The following PRR5L variants were observed in gnomAD, a reference collection of about 807,000 sequenced individuals.
The protein encoded by PRR5L is proline-rich protein 5-like.
Under a neutral mutation model 36.4 loss-of-function variants are expected in PRR5L, and 21 were observed. The observed-to-expected ratio is 0.58, with a 90% CI of 0.41 to 0.83. The LOEUF is 0.83. Among genes scored for constraint, PRR5L ranks in the 40% least tolerant of loss-of-function variants. The pLI, the probability that PRR5L is intolerant of heterozygous loss-of-function variation, is 0.00. For missense variants in PRR5L, 381 were observed against 473.3 expected, an observed-to-expected ratio of 0.80 and a Z score of 1.81; for synonymous variants, 188 against 197.0, an observed-to-expected ratio of 0.95 and a Z score of 0.38.
At chr11:36,310,418 G>A (rs1856488666) in intron 1 of PRR5L, among the ~76,000 whole-genome samples, 1 of 152,128 alleles carries the variant, frequency 6.6e-6, no homozygotes, top group Non-Finnish European at 1.5e-5. Context: ...GGGCGAAGTA[G>A]AGCCTCTTAG....
chr11:36,406,591 C>G (rs1294953158), intron 3 of PRR5L, among the ~76,000 whole-genome samples: 1 of 152,224 alleles, frequency 6.6e-6, no homozygotes, highest in Non-Finnish European at 1.5e-5. Flanking sequence ...ATTCCAGCAT[C>G]TTAAACACTG....
intron 1 of PRR5L, among the ~76,000 whole-genome samples, chr11:36,366,248 C>G (rs1364965168): frequency 6.6e-6 from 1 of 152,178 alleles, no homozygotes; most frequent in African/African-American, 2.4e-5. Flanking sequence ...AATAATAGCA[C>G]CTCTTTCCTG....
At chr11:36,452,243 C>T (rs1858960469) in intron 8 of PRR5L, among the ~76,000 whole-genome samples, 1 of 152,162 alleles carries the variant, frequency 6.6e-6, no homozygotes, top group Non-Finnish European at 1.5e-5. Context: ...AGCCAGCACC[C>T]ATGGAGAGAT....
chr11:36,300,398 C>G (rs932223244), intron 1 of PRR5L, among the ~76,000 whole-genome samples: 1 of 152,132 alleles, frequency 6.6e-6, no homozygotes, highest in Non-Finnish European at 1.5e-5. Context: ...ACTCCATTAT[C>G]ACCAGGGCAG....
At chr11:36,405,836 C>T (rs1857898899) in intron 3 of PRR5L, among the ~76,000 whole-genome samples, 1 of 152,200 alleles carries the variant, frequency 6.6e-6, no homozygotes, top group African/African-American at 2.4e-5. Context: ...TGTGTGTACA[C>T]ATGACCTCTT....
intron 5 of PRR5L, among the ~76,000 whole-genome samples, chr11:36,433,282 C>A (rs2133601193): frequency 6.6e-6 from 1 of 152,266 alleles, no homozygotes; most frequent in East Asian, 1.9e-4. Flanking sequence ...CAGCCCCCGA[C>A]AGCCACCATC....
chr11:36,422,816 T>C (rs1259557784), intron 4 of PRR5L, among the ~76,000 whole-genome samples: 1 of 152,160 alleles, frequency 6.6e-6, no homozygotes, highest in Non-Finnish European at 1.5e-5. Flanking sequence ...TTGATTTTTT[T>C]CCCTTTCCCT....
rs331436 is a variant in PRR5L, at chr11:36,464,514, G to A, written c.*1778G>A. ...AAAGAGATCTGCTGATCTGCTGAGAGTTTCAAACAAACAAAAAAATAATCT... is the reference window on the plus strand; with the variant it reads ...AAAGAGATCTGCTGATCTGCTGAGAATTTCAAACAAACAAAAAAATAATCT... On this transcript the variant is annotated 3_prime_UTR_variant, in exon 9 of 9. Coordinates refer to ENST00000530639, the MANE Select transcript of PRR5L (RefSeq NM_001160167.2). The A allele has an allele frequency of 0.58, 88,740 of 152,044 alleles. 26,409 individuals carry two copies. The highest frequency in any genetic ancestry group is 0.8 in the East Asian group (4,141 of 5,174). 9.4% of individuals were successfully genotyped at this position (152,044 alleles called of 1,614,324 possible).
chr11:36,366,120 A>G (rs1474935578), intron 1 of PRR5L, among the ~76,000 whole-genome samples: 4 of 152,196 alleles, frequency 2.6e-5, no homozygotes, highest in Non-Finnish European at 5.9e-5. Context: ...AAGAACTTAC[A>G]CTGGGAAATA....
At chr11:36,418,014 G>A (rs1307610324) in intron 3 of PRR5L, among the ~76,000 whole-genome samples, 7 of 152,210 alleles carry the variant, frequency 4.6e-5, no homozygotes. Flanking sequence ...ACAGGGAAAA[G>A]GAGAGCTGGT....
chr11:36,439,335 T>C (rs919044), intron 6 of PRR5L, among the ~76,000 whole-genome samples: 2 of 151,802 alleles, frequency 1.3e-5, no homozygotes, highest in East Asian at 1.9e-4. Context: ...GGGCAAAGGT[T>C]GGGGAGGGGG....
At chr11:36,389,155 G>T (rs1165949549) in intron 1 of PRR5L, among the ~76,000 whole-genome samples, 3 of 147,762 alleles carry the variant, frequency 2.0e-5, no homozygotes, top group Non-Finnish European at 4.5e-5. Context: ...GCCACTTGAC[G>T]TGCCTTGAAT....
intron 1 of PRR5L, among the ~76,000 whole-genome samples, chr11:36,396,723 G>T (rs1382058844): frequency 6.6e-6 from 1 of 152,172 alleles, no homozygotes; most frequent in Non-Finnish European, 1.5e-5. Flanking sequence ...GAGACTCAGA[G>T]AGGTCAAGTA....
chr11:36,351,230 A>ATATATATTTTTATATATGTATATT (rs1856939752), intron 1 of PRR5L, among the ~76,000 whole-genome samples: 1 of 81,634 alleles, frequency 1.2e-5, no homozygotes, highest in Non-Finnish European at 2.0e-5. Flanking sequence ...ATATATATTT[A>ATATATATTTTTATATATGTATATT]TATATATTTA....
intron 1 of PRR5L, among the ~76,000 whole-genome samples, chr11:36,389,109 A>G (rs974137451): frequency 6.6e-6 from 1 of 152,184 alleles, no homozygotes; most frequent in African/African-American, 2.4e-5. Flanking sequence ...CATTGTTGTT[A>G]TAAAGAAGGC....
chr11:36,325,008 C>G (rs1294325906), intron 1 of PRR5L, among the ~76,000 whole-genome samples: 1 of 152,136 alleles, frequency 6.6e-6, no homozygotes, highest in Non-Finnish European at 1.5e-5. Context: ...CCAGAGCTCC[C>G]AAGATGATGG....
At chr11:36,340,018 A>C (rs779904235) in intron 1 of PRR5L, among the ~76,000 whole-genome samples, 1 of 152,042 alleles carries the variant, frequency 6.6e-6, no homozygotes, top group Non-Finnish European at 1.5e-5. Context: ...TTGCGTCCTT[A>C]CAGCACAGTT....
chr11:36,462,313 A>T, intron 8 of PRR5L, 29 bp from the exon 9 acceptor site: 1 of 1,487,238 alleles, frequency 6.7e-7, no homozygotes, highest in Non-Finnish European at 8.9e-7. Flanking sequence ...CCTCCCCAAT[A>T]ACAGTCTTTG....
At chr11:36,333,681 C>G (rs1169787368) in intron 1 of PRR5L, among the ~76,000 whole-genome samples, 1 of 152,096 alleles carries the variant, frequency 6.6e-6, no homozygotes, top group Non-Finnish European at 1.5e-5. Context: ...GAGAAATAGT[C>G]TGTGACAGAA....
Sources: allele counts gnomAD v4.1 joint callset (sites outside exome capture counted in the v4.1 genomes callset), GRCh38; gene constraint gnomAD v4.1.1; transcripts MANE v1.5; gene names NCBI Gene and HGNC (gene_info 2026-07-23, HGNC 2026-07-21).